TMEM183A: variants seen among roughly 807,000 people sequenced by gnomAD.
The protein encoded by TMEM183A is chromosome 1 open reading frame 37.
TMEM183A carries 21 observed loss-of-function variants against 46.7 expected under a neutral mutation model. The observed-to-expected ratio is 0.45, with a 90% CI of 0.32 to 0.65. The LOEUF (loss-of-function observed/expected upper bound fraction) is 0.65, where lower values mean the gene tolerates loss of function less well. Ranked by LOEUF, TMEM183A falls within the 30% of genes least tolerant of loss-of-function variation. The pLI is 0.04. For missense variants in TMEM183A, 331 were observed against 481.9 expected (o/e 0.69, Z 2.93); for synonymous variants, 165 against 180.2 (o/e 0.92, Z 0.68).
At position 203,007,509 on chromosome 1, in the gene TMEM183A, C is replaced by T. The variant is rs1441486779; in HGVS notation, c.44C>T (p.Thr15Met). The change falls in exon 1 of 8, where the codon ACG becomes ATG. Residue 15 changes from threonine (T) to methionine (M), a missense_variant. Around this residue, in one of 2 missense-constraint regions of TMEM183A, gnomAD observed 98 missense variants for 96.1 expected, o/e 1.02. Coordinates refer to ENST00000367242, the MANE Select transcript of TMEM183A (RefSeq NM_138391.6). ...PGPLGRPRPD[T>M]VAMPKRGKRL... ...CCGCTAGGCAGGCCTCGCCCCGATACGGTCGCCATGCCCAAGAGAGGAAAG... is the reference window on the plus strand; with the variant it reads ...CCGCTAGGCAGGCCTCGCCCCGATATGGTCGCCATGCCCAAGAGAGGAAAG... 3.9e-6 allele frequency: 6 copies of T among 1,529,470 alleles called. No homozygotes were observed. Among genetic ancestry groups the T allele is most frequent in the Admixed American group, 3.9e-5 (2 of 51,020 alleles). The allele number at this position is 1,529,470 out of a possible 1,614,324, so 94.7% of individuals were successfully genotyped here. A position where few individuals can be genotyped will look rare whatever the true frequency, so the allele number is the denominator to read the frequency against.
chr1:203,010,199 A>G (rs943888221), intron 3 of TMEM183A, among the ~76,000 whole-genome samples: 1 of 152,164 alleles, frequency 6.6e-6, no homozygotes, highest in Non-Finnish European at 1.5e-5. Context: ...CAGATTTACC[A>G]GCACTTTCAC....
chr1:203,019,006 C>T (rs982496865), intron 6 of TMEM183A, among the ~76,000 whole-genome samples: 1 of 152,208 alleles, frequency 6.6e-6, no homozygotes, highest in Non-Finnish European at 1.5e-5. Context: ...GGAGGAGACA[C>T]AAACATTCAA....
chr1:203,012,235 T>TCTCACACACACACACA (rs370305350), intron 3 of TMEM183A, among the ~76,000 whole-genome samples: 2 of 80,790 alleles, frequency 2.5e-5, no homozygotes, highest in Non-Finnish European at 4.7e-5. Flanking sequence ...CCCCACTCCA[T>TCTCACACACACACACA]CACACACACA....
intron 5 of TMEM183A, chr1:203,018,059 A>G (rs1657331799): frequency 1.7e-6 from 1 of 604,964 alleles, no homozygotes; most frequent in Non-Finnish European, 2.1e-6. Context: ...TGCTTCTATT[A>G]TAGGGCCAGC....
chr1:203,017,726 G>A lies in TMEM183A; in HGVS notation c.709-755G>A, dbSNP rs1657303025. 1.0e-5 allele frequency: 10 copies of A among 985,854 alleles called. No homozygotes were observed. The South Asian group carries it at 2.3e-4, about 23-fold the overall frequency. The allele number at this position is 985,854 out of a possible 1,614,324, so 61.1% of individuals were successfully genotyped here. A position where few individuals can be genotyped will look rare whatever the true frequency, so the allele number is the denominator to read the frequency against. The stretch of plus-strand genomic sequence containing the variant: ...CCATGTTTCTGGACTCTAGCTTTTC[G>A]TATTTGATTCCCCCTCTCTCTCTTT... On this transcript the variant is annotated intron_variant, in intron 5 of 7. Transcript: ENST00000367242.
intron 3 of TMEM183A, among the ~76,000 whole-genome samples, chr1:203,014,520 T>C (rs554031726): frequency 6.6e-6 from 1 of 152,230 alleles, no homozygotes; most frequent in Non-Finnish European, 1.5e-5. Context: ...TGAGAATTGC[T>C]TGAAACCAGG....
intron 3 of TMEM183A, among the ~76,000 whole-genome samples, chr1:203,011,436 C>G (rs1198344195): frequency 6.6e-6 from 1 of 151,970 alleles, no homozygotes; most frequent in African/African-American, 2.4e-5. Context: ...GATGGAGTTT[C>G]ACTCTTGTTG....
chr1:203,009,606 T>C (rs561080428), intron 3 of TMEM183A, among the ~76,000 whole-genome samples: 1 of 152,264 alleles, frequency 6.6e-6, no homozygotes, highest in Non-Finnish European at 1.5e-5. Flanking sequence ...CTTAGCCTTT[T>C]GAGTAGCTGG....
Position 203,007,505 on chromosome 1 carries a change from G to A in TMEM183A, c.40G>A (p.Asp14Asn), listed in dbSNP as rs1201982991. Residue 14 changes from aspartate to asparagine, a missense_variant, in exon 1 of 8, where the codon GAT becomes AAT. Around this residue, in one of 2 missense-constraint regions of TMEM183A, gnomAD observed 98 missense variants for 96.1 expected, o/e 1.02. Coordinates refer to ENST00000367242, the MANE Select transcript of TMEM183A (RefSeq NM_138391.6). The stretch of plus-strand genomic sequence containing the variant: ...CGGCCCGCTAGGCAGGCCTCGCCCC[G>A]ATACGGTCGCCATGCCCAAGAGAGG... The part of the protein sequence containing the change: ...GPGPLGRPRP[D>N]TVAMPKRGKR... 8 of 1,528,190 alleles carry A rather than the reference G, an allele frequency of 5.2e-6. No individual in the cohort carries two copies. The highest frequency in any genetic ancestry group is 2.0e-5 in the Admixed American group (1 of 50,938). The allele number at this position is 1,528,190 out of a possible 1,614,324, so 94.7% of individuals were successfully genotyped here.
intron 5 of TMEM183A, chr1:203,018,006 G>A (rs1657327248): frequency 1.0e-6 from 1 of 957,682 alleles, no homozygotes; most frequent in Non-Finnish European, 1.2e-6. Context: ...TAGCTCTGTA[G>A]TTTCCTTACT....
chr1:203,015,897 A>G, intron 4 of TMEM183A, 63 bp from the exon 5 acceptor site: 1 of 1,569,826 alleles, frequency 6.4e-7, no homozygotes, highest in East Asian at 2.2e-5. Context: ...GGAGTCTTAG[A>G]AAACTGACCT....
chr1:203,015,089 A>C, intron 4 of TMEM183A, 41 bp downstream of exon 4: 4 of 1,602,076 alleles, frequency 2.5e-6, no homozygotes, highest in Non-Finnish European at 3.4e-6. Context: ...TGTGTGGCTG[A>C]TTTCATTACT....
rs1656881207 is a variant in TMEM183A at position 203,013,606 on chromosome 1, G to C, written c.368-1283G>C. ...GGCTCACTGCAAGCTCCGCCTCCTG[G>C]GTTCACGCCATTCTCCTGCCTCAGC... is the stretch of plus-strand genomic sequence containing the variant. On this transcript the variant is annotated intron_variant, in intron 3 of 7. Transcript: ENST00000367242. This position sits in a 1 kb window ranked among gnomAD's most constrained non-coding sequence, Gnocchi z 4.0. Among the ~76,000 whole-genome samples, 1 of 152,040 alleles carries C rather than the reference G, an allele frequency of 6.6e-6. No homozygotes were observed.
Position 203,007,571 on chromosome 1 carries a change from C to T in TMEM183A, c.106C>T (p.Arg36Ter). 2 of 1,545,498 alleles carry T rather than the reference C, an allele frequency of 1.3e-6. No homozygotes were observed. Among genetic ancestry groups the T allele is most frequent in the East Asian group, 2.4e-5 (1 of 41,952 alleles). Residue 36 changes from arginine (R) to a stop codon, truncating the protein, a stop_gained, in exon 1 of 8, where the codon CGA (arginine) becomes TGA (stop). Transcript: ENST00000367242. LOFTEE classifies it high-confidence loss of function. ...KFRAHDACSG[R>*]VTVADYANSD... ...CCGGGCCCACGACGCCTGCTCCGGCCGAGGTGGGCGAGGGGGGCAGGGGCG... is the reference window on the plus strand; with the variant it reads ...CCGGGCCCACGACGCCTGCTCCGGCTGAGGTGGGCGAGGGGGGCAGGGGCG...
At chr1:203,007,897 C>A in intron 2 of TMEM183A, 34 bp downstream of exon 2, 9 of 1,612,274 alleles carry the variant, frequency 5.6e-6, no homozygotes, top group Non-Finnish European at 7.6e-6. Context: ...AGACTCATGC[C>A]GCGAAGACAG....
intron 7 of TMEM183A, among the ~76,000 whole-genome samples, chr1:203,022,567 G>A (rs930352406): frequency 6.6e-6 from 1 of 151,988 alleles, no homozygotes; most frequent in East Asian, 1.9e-4. Flanking sequence ...GCCGGTCATG[G>A]TGGTGCACGC....
chr1:203,012,198 AC>A, intron 3 of TMEM183A, among the ~76,000 whole-genome samples: 1 of 104,714 alleles, frequency 9.5e-6, no homozygotes, highest in Non-Finnish European at 1.9e-5. Context: ...TTATTTTGAA[AC>A]GGCCATTTTT....
At chr1:203,009,252 G>A (rs748184842) in intron 3 of TMEM183A, among the ~76,000 whole-genome samples, 4 of 152,174 alleles carry the variant, frequency 2.6e-5, no homozygotes, top group Non-Finnish European at 2.9e-5. Context: ...AGACATTATC[G>A]TGGGCTTTTA....
At chr1:203,015,737 T>C in intron 4 of TMEM183A, 1 of 564,894 alleles carries the variant, frequency 1.8e-6, no homozygotes, top group Non-Finnish European at 3.1e-6. Flanking sequence ...TTTTGTTCAG[T>C]GAAAAAGTGA....
Sources: allele counts gnomAD v4.1 joint callset (sites outside exome capture counted in the v4.1 genomes callset), GRCh38; gene constraint gnomAD v4.1.1; regional missense constraint gnomAD v4.1.1; non-coding constraint Gnocchi (gnomAD v3.1); transcripts MANE v1.5; gene names NCBI Gene and HGNC (gene_info 2026-07-23, HGNC 2026-07-21).